The following HMGA2 variants were observed in gnomAD, a reference collection of about 807,000 sequenced individuals.
HMGA2 encodes the protein high mobility group protein HMGI-C.
A neutral mutation model predicts 19.1 loss-of-function variants in HMGA2; 8 were observed. The ratio of observed to expected loss-of-function variants is 0.42; its 90% CI spans 0.25 to 0.76. HMGA2 has a LOEUF of 0.76. Ranked by LOEUF, HMGA2 falls within the 30% of genes least tolerant of loss-of-function variation. The probability of loss-of-function intolerance (pLI) is 0.28; values close to 1 mark genes in which losing one functional copy is unlikely to be tolerated. For synonymous variants in HMGA2, 60 were observed against 48.8 expected, an observed-to-expected ratio of 1.23 and a Z score of -0.96; for missense variants, 109 against 136.3, an observed-to-expected ratio of 0.80 and a Z score of 1.00.
chr12:65,900,134 T>C (rs1874312141), intron 3 of HMGA2, among the ~76,000 whole-genome samples: 1 of 152,234 alleles, frequency 6.6e-6, no homozygotes. Flanking sequence ...AATTAGGTCA[T>C]GTTTACTCTG....
At chr12:65,848,123 T>A (rs1388085702) in intron 3 of HMGA2, among the ~76,000 whole-genome samples, 1 of 152,216 alleles carries the variant, frequency 6.6e-6, no homozygotes, top group Non-Finnish European at 1.5e-5. Context: ...CCTATGTTAA[T>A]GTTTCCATTC....
chr12:65,913,872 G>A (rs188417398), intron 3 of HMGA2, among the ~76,000 whole-genome samples: 2 of 152,268 alleles, frequency 1.3e-5, no homozygotes, highest in Admixed American at 6.5e-5. Flanking sequence ...CTTCCCTTTC[G>A]TTATACTCTC....
At position 65,846,155 on chromosome 12, in the gene HMGA2, T is replaced by C. The variant is rs1416770592; in HGVS notation, c.249+7586T>C. Among the ~76,000 whole-genome samples, 6 of 152,234 alleles carry C rather than the reference T, an allele frequency of 3.9e-5. No individual in the cohort carries two copies. The East Asian group carries it at 7.7e-4, about 20-fold the overall frequency. On this transcript the variant is annotated intron_variant, in intron 3 of 4. Coordinates refer to ENST00000403681, the MANE Select transcript of HMGA2 (RefSeq NM_003483.6). The stretch of plus-strand genomic sequence containing the variant: ...CTGAATGCAGCCATGACACTGAAAT[T>C]TGTTTTTCATTCATTATTTTTTCAT...
chr12:65,939,407 G>A (rs1876008717), intron 3 of HMGA2, among the ~76,000 whole-genome samples: 1 of 151,698 alleles, frequency 6.6e-6, no homozygotes, highest in Non-Finnish European at 1.5e-5. Flanking sequence ...CCAGGCTAGA[G>A]CACAGTGGCG....
At chr12:65,862,475 G>A (rs1295208508) in intron 3 of HMGA2, among the ~76,000 whole-genome samples, 1 of 151,868 alleles carries the variant, frequency 6.6e-6, no homozygotes, top group East Asian at 1.9e-4. Context: ...CAGTAATTGA[G>A]GAAAAACTAA....
chr12:65,929,036 C>G (rs564887092), intron 3 of HMGA2, among the ~76,000 whole-genome samples: 26 of 152,252 alleles, frequency 1.7e-4, no homozygotes, highest in African/African-American at 6.0e-4. Context: ...AAGAATTGGT[C>G]TATGCACAGC....
At chr12:65,863,440 A>C (rs1206450105) in intron 3 of HMGA2, among the ~76,000 whole-genome samples, 4 of 152,094 alleles carry the variant, frequency 2.6e-5, no homozygotes, top group African/African-American at 9.7e-5. Context: ...ACAGGGCACA[A>C]GTGCAAGTCC....
chr12:65,899,108 T>C (rs1404969831), intron 3 of HMGA2, among the ~76,000 whole-genome samples: 1 of 149,950 alleles, frequency 6.7e-6, no homozygotes, highest in African/African-American at 2.5e-5. Context: ...GTTCTGGTGT[T>C]AAAAGACAAT....
intron 4 of HMGA2, among the ~76,000 whole-genome samples, chr12:65,961,440 T>C (rs1876746836): frequency 6.6e-6 from 1 of 152,168 alleles, no homozygotes; most frequent in African/African-American, 2.4e-5. Context: ...TCAAGAGGTA[T>C]AAACCTGCTG....
At chr12:65,842,802 T>G in intron 3 of HMGA2, 1 of 1,375,270 alleles carries the variant, frequency 7.3e-7, no homozygotes. Flanking sequence ...TTTCTATTCT[T>G]GCCTAGGAAA....
rs1181992091 is a variant in HMGA2 at position 65,964,299 on chromosome 12, A to G, written c.*1007A>G. ...ATCAATTTAAAAAGCAAAAAAAAAA[A>G]AGGGGGGGGCAATCTCTCTCTGTGT... On this transcript the variant is annotated 3_prime_UTR_variant, in exon 5 of 5. Coordinates refer to ENST00000403681, the MANE Select transcript of HMGA2 (RefSeq NM_003483.6). 3.3e-4 allele frequency: 69 copies of G among 207,332 alleles called. No homozygotes were observed. Among genetic ancestry groups the G allele is most frequent in the Middle Eastern group, 1.5e-3 (1 of 652 alleles). The allele number at this position is 207,332 out of a possible 1,614,324, so 12.8% of individuals were successfully genotyped here. A position where few individuals can be genotyped will look rare whatever the true frequency, so the allele number is the denominator to read the frequency against.
At chr12:65,931,397 C>G (rs547588123) in intron 3 of HMGA2, among the ~76,000 whole-genome samples, 1 of 152,004 alleles carries the variant, frequency 6.6e-6, no homozygotes, top group South Asian at 2.1e-4. Flanking sequence ...TTCTTTACCC[C>G]CTCCCGAAAC....
At chr12:65,942,045 A>T (rs546166427) in intron 3 of HMGA2, among the ~76,000 whole-genome samples, 1 of 152,364 alleles carries the variant, frequency 6.6e-6, no homozygotes, top group South Asian at 2.1e-4. Flanking sequence ...TTTCAAGTAT[A>T]TTGCCAACGT....
At chr12:65,932,029 G>A (rs572414596) in intron 3 of HMGA2, among the ~76,000 whole-genome samples, 2 of 152,156 alleles carry the variant, frequency 1.3e-5, no homozygotes, top group South Asian at 2.1e-4. Context: ...CCAGGTTTTC[G>A]AGCACGAGAA....
At chr12:65,915,150 AG>A in intron 3 of HMGA2, 7 of 1,613,356 alleles carry the variant, frequency 4.3e-6, no homozygotes, top group Non-Finnish European at 5.9e-6. Context: ...GGAGGAGTCC[AG>A]GATAGCTCTT....
At chr12:65,960,611 G>C (rs1395340812) in intron 4 of HMGA2, among the ~76,000 whole-genome samples, 1 of 152,180 alleles carries the variant, frequency 6.6e-6, no homozygotes, top group Non-Finnish European at 1.5e-5. Context: ...CAAGAAGAGA[G>C]AGCTCTCCAC....
At chr12:65,893,578 T>C (rs1215448514) in intron 3 of HMGA2, among the ~76,000 whole-genome samples, 4 of 152,220 alleles carry the variant, frequency 2.6e-5, no homozygotes, top group African/African-American at 9.6e-5. Context: ...GCAAACATTG[T>C]AGGGTTTCAG....
At chr12:65,926,186 A>G (rs1875498309) in intron 3 of HMGA2, among the ~76,000 whole-genome samples, 1 of 152,164 alleles carries the variant, frequency 6.6e-6, no homozygotes, top group South Asian at 2.1e-4. Flanking sequence ...GAAAAGTGTT[A>G]ACTCCGCCCC....
intron 3 of HMGA2, among the ~76,000 whole-genome samples, chr12:65,890,026 A>G (rs1442934773): frequency 1.3e-5 from 2 of 152,194 alleles, no homozygotes; most frequent in Non-Finnish European, 1.5e-5. Flanking sequence ...AAATGGTCCT[A>G]TACAACAACA....
Sources: allele counts gnomAD v4.1 joint callset (sites outside exome capture counted in the v4.1 genomes callset), GRCh38; gene constraint gnomAD v4.1.1; transcripts MANE v1.5; gene names NCBI Gene and HGNC (gene_info 2026-07-23, HGNC 2026-07-21).